Variants in AP3B1 observed in about 807,000 individuals in gnomAD.
AP3B1 encodes the protein AP-3 complex subunit beta-1.
AP3B1 carries 61 observed loss-of-function variants against 132.5 expected under a neutral mutation model. The ratio of observed to expected loss-of-function variants is 0.46; its 90% CI spans 0.37 to 0.57. The LOEUF is 0.57. Ranked by LOEUF, AP3B1 falls within the 20% of genes least tolerant of loss-of-function variation. The pLI is 0.00. For synonymous variants in AP3B1, 388 were observed against 438.3 expected, an observed-to-expected ratio of 0.89 and a Z score of 1.43; for missense variants, 1,120 against 1,289.4, an observed-to-expected ratio of 0.87 and a Z score of 2.01.
At chr5:78,048,447 TC>T (rs1325335369) in intron 22 of AP3B1, among the ~76,000 whole-genome samples, 2 of 152,140 alleles carry the variant, frequency 1.3e-5, no homozygotes, top group Non-Finnish European at 2.9e-5. Flanking sequence ...TTCTTATGCC[TC>T]CCCATGACTG....
chr5:78,134,163 A>G (rs1044298215), intron 15 of AP3B1, among the ~76,000 whole-genome samples: 1 of 151,578 alleles, frequency 6.6e-6, no homozygotes, highest in Non-Finnish European at 1.5e-5. Context: ...AAAAAAAAAA[A>G]AAAGAAATAC....
chr5:78,230,283 AGAT>A (rs1401982068), intron 3 of AP3B1, among the ~76,000 whole-genome samples: 1 of 152,228 alleles, frequency 6.6e-6, no homozygotes, highest in African/African-American at 2.4e-5. Context: ...AGATAATTTG[AGAT>A]GATAATTTTA....
At chr5:78,271,155 C>G (rs1322255596) in intron 1 of AP3B1, among the ~76,000 whole-genome samples, 1 of 152,234 alleles carries the variant, frequency 6.6e-6, no homozygotes, top group Admixed American at 6.5e-5. Context: ...GGCACAGTGG[C>G]TCAAGCCTGT....
intron 7 of AP3B1, among the ~76,000 whole-genome samples, chr5:78,186,389 T>C: frequency 6.6e-6 from 1 of 152,140 alleles, no homozygotes; most frequent in Non-Finnish European, 1.5e-5. Context: ...AACAAAACTA[T>C]GGAAACAGAA....
At chr5:78,155,637 A>G (rs925014445) in intron 14 of AP3B1, among the ~76,000 whole-genome samples, 1 of 152,166 alleles carries the variant, frequency 6.6e-6, no homozygotes, top group African/African-American at 2.4e-5. Context: ...CAGAAACAAA[A>G]GGCTACATAT....
intron 8 of AP3B1, among the ~76,000 whole-genome samples, chr5:78,181,093 C>T (rs1744348021): frequency 6.6e-6 from 1 of 151,886 alleles, no homozygotes; most frequent in Non-Finnish European, 1.5e-5. Flanking sequence ...ATCAAGTACC[C>T]CCAATCACAA....
rs139470310 is a variant in AP3B1 at position 78,204,139 on chromosome 5, C to T, written c.786+11916G>A. On this transcript the variant is annotated intron_variant, in intron 7 of 26. Coordinates refer to ENST00000255194, the MANE Select transcript of AP3B1 (RefSeq NM_003664.5). ...TGGAACAAATTTATGGGTTTCTTTA[C>T]ATTCCTCATCGTTTTCTGCTAAAAA... Among the ~76,000 whole-genome samples the T allele has an allele frequency of 3.0e-3, 464 of 152,238 alleles. 2 individuals are homozygous for T. Among genetic ancestry groups the T allele is most frequent in the African/African-American group, 0.011 (442 of 41,542 alleles).
chr5:78,073,124 T>C (rs77431813), intron 22 of AP3B1, among the ~76,000 whole-genome samples: 1 of 152,228 alleles, frequency 6.6e-6, no homozygotes, highest in African/African-American at 2.4e-5. Flanking sequence ...TGGTAATCAA[T>C]TCTTAGTGTT....
At chr5:78,282,862 A>T (rs1438700500) in intron 1 of AP3B1, among the ~76,000 whole-genome samples, 2 of 136,480 alleles carry the variant, frequency 1.5e-5, no homozygotes, top group African/African-American at 5.5e-5. Flanking sequence ...AAAAAAAAAA[A>T]AAAATAGCTA....
intron 1 of AP3B1, among the ~76,000 whole-genome samples, chr5:78,277,117 G>C (rs1459517456): frequency 3.3e-5 from 5 of 152,140 alleles, no homozygotes; most frequent in African/African-American, 1.2e-4. Flanking sequence ...TCTGAAGCTT[G>C]TATCTTATTT....
chr5:78,271,860 A>G (rs934198986), intron 1 of AP3B1, among the ~76,000 whole-genome samples: 11 of 152,324 alleles, frequency 7.2e-5, no homozygotes, highest in Middle Eastern at 3.4e-3. Context: ...TTTTACCCCA[A>G]AATATGCTTC....
chr5:78,120,896 C>T (rs552787085), intron 17 of AP3B1, among the ~76,000 whole-genome samples: 1 of 152,242 alleles, frequency 6.6e-6, no homozygotes, highest in Admixed American at 6.5e-5. Flanking sequence ...ATACATTCTT[C>T]TCAGCACCAC....
At chr5:78,271,779 G>A (rs1025756608) in intron 1 of AP3B1, among the ~76,000 whole-genome samples, 1 of 152,120 alleles carries the variant, frequency 6.6e-6, no homozygotes, top group Non-Finnish European at 1.5e-5. Flanking sequence ...TTAACCCTAC[G>A]TAACGTGGCT....
intron 7 of AP3B1, among the ~76,000 whole-genome samples, chr5:78,200,713 T>G (rs1236572055): frequency 6.6e-6 from 1 of 152,146 alleles, no homozygotes; most frequent in Non-Finnish European, 1.5e-5. Context: ...AGAGAACTCA[T>G]TTTAAAATAT....
At chr5:78,275,149 C>T (rs1024520996) in intron 1 of AP3B1, among the ~76,000 whole-genome samples, 1 of 151,926 alleles carries the variant, frequency 6.6e-6, no homozygotes, top group Non-Finnish European at 1.5e-5. Flanking sequence ...CTGGTCCCTA[C>T]CTTAAAAGGA....
chr5:78,076,582 C>G (rs1420451641), intron 22 of AP3B1, among the ~76,000 whole-genome samples: 1 of 152,138 alleles, frequency 6.6e-6, no homozygotes, highest in Non-Finnish European at 1.5e-5. Flanking sequence ...CAGGATAAGG[C>G]TGGCCAAGAT....
At chr5:78,156,398 T>C in intron 13 of AP3B1, 31 bp from the exon 14 acceptor site, 1 of 1,429,926 alleles carries the variant, frequency 7.0e-7, no homozygotes, top group Non-Finnish European at 9.9e-7. Context: ...TCATACTAAA[T>C]ATGTATAATT....
chr5:78,104,733 C>A (rs1368082034), intron 20 of AP3B1, among the ~76,000 whole-genome samples: 1 of 152,062 alleles, frequency 6.6e-6, no homozygotes, highest in Non-Finnish European at 1.5e-5. Context: ...ATCTTTATTG[C>A]CAAAATCTTT....
In AP3B1 at chr5:78,002,575, C is replaced by T; in HGVS notation, c.*327G>A. The T allele has an allele frequency of 1.8e-6, 1 of 555,380 alleles. No homozygotes were observed. Among genetic ancestry groups the T allele is most frequent in the Non-Finnish European group, 3.2e-6 (1 of 315,328 alleles). 34.4% of individuals were successfully genotyped at this position (555,380 alleles called of 1,614,324 possible). On this transcript the variant is annotated 3_prime_UTR_variant, in exon 27 of 27. Coordinates refer to ENST00000255194, the MANE Select transcript of AP3B1 (RefSeq NM_003664.5). The stretch of plus-strand genomic sequence containing the variant: ...AAGATTTCCAATGAACTTTAAATAT[C>T]TCATTCATGTCTACCATTGTCGAAA...
Sources: gnomAD v4.1 joint callset for allele counts (sites outside exome capture counted in the v4.1 genomes callset) on GRCh38, gnomAD v4.1.1 for gene constraint, MANE v1.5 for transcripts, NCBI Gene and HGNC (gene_info 2026-07-23, HGNC 2026-07-21) for gene names.